Variants in SEZ6L observed in about 807,000 individuals in gnomAD.
The protein encoded by SEZ6L is seizure related 6 homolog like, also known as seizure 6-like protein.
In SEZ6L, 37 loss-of-function variants were observed where a neutral mutation model predicts 106.2. That is an observed-to-expected ratio of 0.35 (90% CI 0.27 to 0.46). The LOEUF (loss-of-function observed/expected upper bound fraction) is 0.46, where lower values mean the gene tolerates loss of function less well. Ranked by LOEUF, SEZ6L falls within the 20% of genes least tolerant of loss-of-function variation. The pLI, the probability that SEZ6L is intolerant of heterozygous loss-of-function variation, is 1.00. For missense variants in SEZ6L, 1,172 were observed against 1,332.8 expected, an observed-to-expected ratio of 0.88 and a Z score of 1.88; for synonymous variants, 541 against 570.4, an observed-to-expected ratio of 0.95 and a Z score of 0.73.
chr22:26,291,508 C>T (rs657852), intron 1 of SEZ6L, among the ~76,000 whole-genome samples: 36,517 of 151,932 alleles, frequency 0.24, 5,470 homozygotes, highest in Non-Finnish European at 0.34. Flanking sequence ...TAATACCTAG[C>T]GTGGGTTGAT....
chr22:26,220,328 T>G (rs1270719649), intron 1 of SEZ6L, among the ~76,000 whole-genome samples: 1 of 152,200 alleles, frequency 6.6e-6, no homozygotes, highest in Non-Finnish European at 1.5e-5. Context: ...AGCTGACATT[T>G]GCATAGAATT....
chr22:26,238,030 C>T (rs1461464892), intron 1 of SEZ6L, among the ~76,000 whole-genome samples: 1 of 152,168 alleles, frequency 6.6e-6, no homozygotes, highest in Non-Finnish European at 1.5e-5. Context: ...GCTGTGGAAC[C>T]CAAGTTCCCC....
chr22:26,199,261 C>T (rs767876522), intron 1 of SEZ6L, among the ~76,000 whole-genome samples: 2 of 152,258 alleles, frequency 1.3e-5, no homozygotes, highest in Middle Eastern at 3.4e-3. Context: ...CCATACCCAG[C>T]GCTCAAAGAA....
intron 7 of SEZ6L, 57 bp downstream of exon 7, chr22:26,310,893 A>T: frequency 6.4e-7 from 1 of 1,557,564 alleles, no homozygotes; most frequent in African/African-American, 1.4e-5. Flanking sequence ...GCCTGGGAGC[A>T]GGGAAAGCAT....
intron 1 of SEZ6L, among the ~76,000 whole-genome samples, chr22:26,202,675 G>A (rs1335721965): frequency 2.0e-5 from 3 of 152,140 alleles, no homozygotes; most frequent in Non-Finnish European, 2.9e-5. Context: ...TAGTGGCAGA[G>A]GGGAGGGAGA....
chr22:26,204,284 T>A (rs1257220223), intron 1 of SEZ6L, among the ~76,000 whole-genome samples: 2 of 152,198 alleles, frequency 1.3e-5, no homozygotes, highest in Non-Finnish European at 2.9e-5. Flanking sequence ...ACACAGATGA[T>A]CATACACATA....
intron 6 of SEZ6L, among the ~76,000 whole-genome samples, chr22:26,309,730 C>A (rs535544185): frequency 1.6e-4 from 24 of 152,278 alleles, no homozygotes; most frequent in Admixed American, 1.3e-4. Context: ...AGGCACGCGC[C>A]ACCATATCTG....
intron 1 of SEZ6L, among the ~76,000 whole-genome samples, chr22:26,233,371 G>A (rs564922922): frequency 1.4e-4 from 22 of 152,278 alleles, no homozygotes; most frequent in African/African-American, 4.3e-4. Context: ...CCAGGATTGC[G>A]GGCTGAGGAC....
chr22:26,340,695 C>T (rs577343967), intron 10 of SEZ6L, 63 bp downstream of exon 10: 2 of 1,398,492 alleles, frequency 1.4e-6, no homozygotes, highest in South Asian at 2.8e-5. Context: ...AAGGTGGTTT[C>T]CTCTAGGTTA....
intron 1 of SEZ6L, among the ~76,000 whole-genome samples, chr22:26,175,730 A>G (rs560017591): frequency 7.5e-4 from 114 of 152,122 alleles, no homozygotes; most frequent in Non-Finnish European, 1.4e-3. Flanking sequence ...TCACCCAACC[A>G]TTAATGGAGA....
rs1256352210 is a variant in SEZ6L at position 26,296,868 on chromosome 22, C to G, written c.970-20C>G. 6.5e-7 allele frequency: 1 copy of G among 1,546,494 alleles called. No homozygotes were observed. The highest frequency in any genetic ancestry group is 8.8e-7 in the Non-Finnish European group (1 of 1,140,074). Reference sequence around the variant, plus strand: ...AACACAACTCAGAGTTCCTCTCTGTCTGCTTCTGCCTGTTCCCAGGTGAAG... The same window carrying G: ...AACACAACTCAGAGTTCCTCTCTGTGTGCTTCTGCCTGTTCCCAGGTGAAG... On this transcript the variant is annotated intron_variant, in intron 3 of 16. Transcript: ENST00000248933.
rs2084199406 is a variant in SEZ6L at position 26,375,680 on chromosome 22, A to G, written c.2933A>G (p.Tyr978Cys). Residue 978 changes from tyrosine (Y) to cysteine (C), a missense_variant, in exon 15 of 17, where the codon TAC becomes TGC. This residue lies in a region of SEZ6L where 141 missense variants were observed against 176.0 expected (regional missense o/e 0.80). Transcript: ENST00000248933. ...TTACTGCTGGGAGGAGCCTACATTT[A>G]CATCACAAGGTAGGGAGCTGATGGG... The part of the protein sequence containing the change: ...ISLLLGGAYI[Y>C]ITRCRYYSNL... 3 of 1,612,378 alleles carry G rather than the reference A, an allele frequency of 1.9e-6. No individual in the cohort carries two copies. Among genetic ancestry groups the G allele is most frequent in the Non-Finnish European group, 2.5e-6 (3 of 1,178,742 alleles).
In SEZ6L at chr22:26,324,078, A is replaced by ACACG. The variant is rs1396468927; in HGVS notation, c.2015+10179_2015+10180insGCAC. 4.6e-5 allele frequency among the ~76,000 whole-genome samples: 7 copies of ACACG among 150,940 alleles called. No individual in the cohort carries two copies. In the South Asian group the frequency reaches 1.5e-3, roughly 32 times the overall value. On this transcript the variant is annotated intron_variant, in intron 9 of 16. Coordinates refer to ENST00000248933, the MANE Select transcript of SEZ6L (RefSeq NM_021115.5). ...CCAGTTTTTAACCACACACACACAC[A>ACACG]CACACACACACACACACACACACAA...
chr22:26,215,246 G>A (rs1602056582), intron 1 of SEZ6L, among the ~76,000 whole-genome samples: 1 of 152,096 alleles, frequency 6.6e-6, no homozygotes, highest in African/African-American at 2.4e-5. Flanking sequence ...AAAATTTTAG[G>A]TTCACTAGGT....
chr22:26,216,580 C>T (rs954025750), intron 1 of SEZ6L, among the ~76,000 whole-genome samples: 2 of 152,114 alleles, frequency 1.3e-5, no homozygotes, highest in East Asian at 1.9e-4. Flanking sequence ...CATTTGAACC[C>T]GGGAGGCGGA....
At chr22:26,327,061 A>C (rs1343177766) in intron 9 of SEZ6L, among the ~76,000 whole-genome samples, 1 of 152,130 alleles carries the variant, frequency 6.6e-6, no homozygotes, top group Non-Finnish European at 1.5e-5. Context: ...GAATATGTGC[A>C]CGATGCGGAC....
chr22:26,248,536 C>T (rs1377611976), intron 1 of SEZ6L, among the ~76,000 whole-genome samples: 2 of 152,148 alleles, frequency 1.3e-5, no homozygotes, highest in Non-Finnish European at 2.9e-5. Flanking sequence ...TTGTAATGAC[C>T]TCTTTTTCAC....
chr22:26,354,699 C>A (rs2083384535), intron 12 of SEZ6L, among the ~76,000 whole-genome samples: 1 of 152,192 alleles, frequency 6.6e-6, no homozygotes, highest in Admixed American at 6.5e-5. Context: ...AGCACTTCAC[C>A]AATGAGACCC....
At chr22:26,314,547 C>T (rs2081944507) in intron 9 of SEZ6L, among the ~76,000 whole-genome samples, 1 of 152,190 alleles carries the variant, frequency 6.6e-6, no homozygotes, top group Non-Finnish European at 1.5e-5. Context: ...TTTCCACAGT[C>T]TAACGCAGAG....
Sources: gnomAD v4.1 joint callset for allele counts (sites outside exome capture counted in the v4.1 genomes callset) on GRCh38, gnomAD v4.1.1 for gene constraint, gnomAD v4.1.1 regional missense constraint, MANE v1.5 for transcripts, NCBI Gene and HGNC (gene_info 2026-07-23, HGNC 2026-07-21) for gene names.